ABCC1: variants seen among roughly 807,000 people sequenced by gnomAD.
ABCC1 encodes the protein multidrug resistance-associated protein 1.
ABCC1 carries 83 observed loss-of-function variants against 172.9 expected under a neutral mutation model. The observed-to-expected ratio is 0.48, with a 90% CI of 0.40 to 0.58. ABCC1 has a LOEUF of 0.58. Among genes scored for constraint, ABCC1 ranks in the 20% least tolerant of loss-of-function variants. ABCC1 has a pLI of 0.00. For missense variants in ABCC1, 1,817 were observed against 2,002.7 expected (o/e 0.91, Z 1.77); for synonymous variants, 937 against 825.2 (o/e 1.14, Z -2.32).
chr16:16,033,103 C>T lies in ABCC1; in HGVS notation c.616-6C>T, dbSNP rs865872046. The T allele has an allele frequency of 1.9e-6, 3 of 1,613,964 alleles. No homozygotes were observed. The highest frequency in any genetic ancestry group is 2.5e-6 in the Non-Finnish European group (3 of 1,179,896). ...TCCTCCCAAACCTGTGCTTTCTTTC[C>T]ACTAGAATCCCTGCCCAGAGTCCAG... On this transcript the variant is annotated splice_polypyrimidine_tract_variant and splice_region_variant and intron_variant, in intron 5 of 30. Coordinates refer to ENST00000399410, the MANE Select transcript of ABCC1 (RefSeq NM_004996.4).
intron 1 of ABCC1, among the ~76,000 whole-genome samples, chr16:15,951,679 CTTTTCTTTTTT>C (rs1014074120): frequency 1.3e-5 from 2 of 149,080 alleles, no homozygotes; most frequent in African/African-American, 5.1e-5. Context: ...TTGCTTTTTT[CTTTTCTTTTTT>C]TTTTCTTTTT....
chr16:16,122,096 A>G lies in ABCC1; in HGVS notation c.3512A>G (p.Gln1171Arg). The part of the protein sequence containing the change: ...GVSVIRAFEE[Q>R]ERFIHQSDLK... The stretch of plus-strand genomic sequence containing the variant: ...AGCGTCATTCGAGCCTTCGAGGAGC[A>G]GGAGCGCTTCATCCACCAGAGTGAC... Residue 1171 changes from glutamine (Q) to arginine (R), a missense_variant, in exon 24 of 31, where the codon CAG (glutamine) becomes CGG (arginine). Coordinates refer to ENST00000399410, the MANE Select transcript of ABCC1 (RefSeq NM_004996.4). 6.2e-7 allele frequency: 1 copy of G among 1,614,194 alleles called. No homozygotes were observed. The highest frequency in any genetic ancestry group is 8.5e-7 in the Non-Finnish European group (1 of 1,180,030).
chr16:16,125,893 T>C lies in ABCC1; in HGVS notation c.3801T>C (p.Tyr1267=), dbSNP rs780854120. Residue 1267 remains tyrosine (Y), a synonymous_variant, in exon 26 of 31, where the codon TAT becomes TAC. Transcript: ENST00000399410. ...NIVAVERLKE[Y]SETEKEAPWQ... ...TGGCCGTGGAGAGGCTCAAGGAGTA[T>C]TCAGAGACTGAGAAGGAGGTAGGCA... is the stretch of plus-strand genomic sequence containing the variant. 1 of 1,613,976 alleles carries C rather than the reference T, an allele frequency of 6.2e-7. No homozygotes were observed. The highest frequency in any genetic ancestry group is 1.7e-5 in the Admixed American group (1 of 59,996).
intron 13 of ABCC1, among the ~76,000 whole-genome samples, chr16:16,071,260 ATTT>A (rs55691800): frequency 3.1e-5 from 4 of 130,608 alleles, no homozygotes; most frequent in Non-Finnish European, 3.3e-5. Flanking sequence ...AATTTTATGT[ATTT>A]TTTTTTTTTT....
At position 16,071,561 on chromosome 16, in the gene ABCC1, A is replaced by G; in HGVS notation, c.1825-81A>G. On this transcript the variant is annotated intron_variant, in intron 13 of 30. Transcript: ENST00000399410. ...GTGTGTGCCCCTCCACACCTGGGGA[A>G]ACCCTTGAAAGTTAACCTTGGTTGG... 1.7e-6 allele frequency: 2 copies of G among 1,186,038 alleles called. 1 individual carries two copies. The highest frequency in any genetic ancestry group is 3.8e-4 in the Middle Eastern group (2 of 5,294). 73.5% of individuals were successfully genotyped at this position (1,186,038 alleles called of 1,614,324 possible).
At chr16:16,002,482 G>A (rs747330549) in intron 1 of ABCC1, among the ~76,000 whole-genome samples, 14 of 152,148 alleles carry the variant, frequency 9.2e-5, no homozygotes, top group Non-Finnish European at 1.6e-4. Context: ...GATAAAGATA[G>A]TTTCCAAAGG....
At chr16:16,011,930 A>G (rs550191290) in intron 3 of ABCC1, among the ~76,000 whole-genome samples, 35 of 151,928 alleles carry the variant, frequency 2.3e-4, no homozygotes, top group African/African-American at 8.2e-4. Context: ...AGGCCCCCCA[A>G]AGTGCTGGGA....
In ABCC1 at chr16:16,048,105, C is replaced by T. The variant is rs1262045478; in HGVS notation, c.1219-37C>T. 3.1e-6 allele frequency: 5 copies of T among 1,610,828 alleles called. No individual in the cohort carries two copies. The East Asian group carries it at 8.9e-5, about 29-fold the overall frequency. On this transcript the variant is annotated intron_variant, in intron 9 of 30. Transcript: ENST00000399410. ...AGGGAGAGTCAGGCCTCTTCAGCTG[C>T]CACACTCACCCACCTTCCCTCTCCT...
intron 1 of ABCC1, among the ~76,000 whole-genome samples, chr16:15,986,790 A>G (rs930680440): frequency 6.6e-6 from 1 of 152,110 alleles, no homozygotes; most frequent in African/African-American, 2.4e-5. Flanking sequence ...TATTCTGTGT[A>G]CTGCACCTGT....
chr16:16,025,023 A>C (rs752439816), intron 5 of ABCC1, among the ~76,000 whole-genome samples: 10 of 152,138 alleles, frequency 6.6e-5, no homozygotes, highest in Non-Finnish European at 1.5e-4. Flanking sequence ...CAAAGAAAAC[A>C]GACAAGTTGA....
chr16:16,062,508 G>T (rs1167403858), intron 12 of ABCC1, among the ~76,000 whole-genome samples: 1 of 152,062 alleles, frequency 6.6e-6, no homozygotes, highest in Non-Finnish European at 1.5e-5. Context: ...TACTGAGCCC[G>T]GCTACCGGCT....
At chr16:16,034,990 G>A (rs745998257) in intron 6 of ABCC1, among the ~76,000 whole-genome samples, 24 of 152,226 alleles carry the variant, frequency 1.6e-4, no homozygotes, top group Non-Finnish European at 3.2e-4. Flanking sequence ...TACTGCAAAC[G>A]TGGCAACGTG....
At chr16:16,104,967 C>T (rs181352549) in intron 20 of ABCC1, among the ~76,000 whole-genome samples, 103 of 152,278 alleles carry the variant, frequency 6.8e-4, no homozygotes, top group Non-Finnish European at 1.3e-3. Context: ...AGCGCTGGCC[C>T]GCAAGCGCCC....
Position 16,122,071 on chromosome 16 carries a change from A to T in ABCC1, c.3487A>T (p.Ser1163Cys). The T allele has an allele frequency of 6.2e-7, 1 of 1,614,210 alleles. No individual in the cohort carries two copies. The highest frequency in any genetic ancestry group is 1.1e-5 in the South Asian group (1 of 91,088). ...TTTCAACGAGACCTTGCTGGGGGTC[A>T]GCGTCATTCGAGCCTTCGAGGAGCA... ...SHFNETLLGV[S>C]VIRAFEEQER... is the part of the protein sequence containing the mutation. Residue 1163 changes from serine to cysteine, a missense_variant, in exon 24 of 31, where the codon AGC becomes TGC. By Grantham distance (112) the Ser-to-Cys change is moderately radical (BLOSUM62 -1). Transcript: ENST00000399410.
At chr16:16,018,443 G>A (rs1308118590) in intron 5 of ABCC1, among the ~76,000 whole-genome samples, 1 of 152,080 alleles carries the variant, frequency 6.6e-6, no homozygotes, top group African/African-American at 2.4e-5. Context: ...CAGCTAGTCG[G>A]GAGGCTGAGG....
intron 5 of ABCC1, among the ~76,000 whole-genome samples, chr16:16,018,324 A>G (rs2048077218): frequency 6.6e-6 from 1 of 152,104 alleles, no homozygotes; most frequent in South Asian, 2.1e-4. Context: ...TGAGGCAGGC[A>G]GATCAGTTGA....
In ABCC1 at chr16:16,083,414, C is replaced by G. The variant is rs1287034985; in HGVS notation, c.2164C>G (p.Leu722Val). 2 of 1,613,894 alleles carry G rather than the reference C, an allele frequency of 1.2e-6. No individual in the cohort carries two copies. The highest frequency in any genetic ancestry group is 1.1e-5 in the South Asian group (1 of 91,064). Residue 722 changes from leucine to valine, a missense_variant, in exon 17 of 31, where the codon CTC (leucine) becomes GTC (valine). This residue lies in a region of ABCC1 where 1,412 missense variants were observed against 1,600.3 expected (regional missense o/e 0.88). Coordinates refer to ENST00000399410, the MANE Select transcript of ABCC1 (RefSeq NM_004996.4). ...GCAGGCCTGGATTCAGAATGATTCT[C>G]TCCGAGAAAACATCCTTTTTGGATG... Reference protein sequence around the residue: ...PQQAWIQNDSLRENILFGCQL... With the variant: ...PQQAWIQNDSVRENILFGCQL...
rs771293495 is a variant in ABCC1 at position 16,131,871 on chromosome 16, G to A, written c.3902G>A (p.Arg1301His). 9 of 1,614,058 alleles carry A rather than the reference G, an allele frequency of 5.6e-6. No homozygotes were observed. Among genetic ancestry groups the A allele is most frequent in the African/African-American group, 2.7e-5 (2 of 74,922 alleles). Residue 1301 changes from arginine to histidine, a missense_variant, in exon 27 of 31, where the codon CGC (arginine) becomes CAC (histidine). Physicochemically the swap from Arg to His is conservative, Grantham distance 29. This residue lies in a region of ABCC1 where 1,412 missense variants were observed against 1,600.3 expected (regional missense o/e 0.88). Coordinates refer to ENST00000399410, the MANE Select transcript of ABCC1 (RefSeq NM_004996.4). ...GTGGAATTCCGGAACTACTGCCTGC[G>A]CTACCGAGAGGACCTGGACTTCGTT... Reference protein sequence around the residue: ...GRVEFRNYCLRYREDLDFVLR... With the variant: ...GRVEFRNYCLHYREDLDFVLR...
In ABCC1 at chr16:16,114,848, C is replaced by T. The variant is rs752022370; in HGVS notation, c.3162C>T (p.His1054=). 6.2e-7 allele frequency: 1 copy of T among 1,613,984 alleles called. No homozygotes were observed. The highest frequency in any genetic ancestry group is 8.5e-7 in the Non-Finnish European group (1 of 1,179,910). Residue 1054 remains histidine (H), a synonymous_variant, in exon 23 of 31, where the codon CAC becomes CAT. Coordinates refer to ENST00000399410, the MANE Select transcript of ABCC1 (RefSeq NM_004996.4). ...GCTGTCTGCACGTGGACCTGCTGCA[C>T]AGCATCCTGCGGTCACCCATGAGCT... ...ASRCLHVDLL[H]SILRSPMSFF...
Sources: allele counts gnomAD v4.1 joint callset (sites outside exome capture counted in the v4.1 genomes callset), GRCh38; gene constraint gnomAD v4.1.1; regional missense constraint gnomAD v4.1.1; transcripts MANE v1.5; gene names NCBI Gene and HGNC (gene_info 2026-07-23, HGNC 2026-07-21).